RAD17: variants seen among roughly 807,000 people sequenced by gnomAD.
The protein encoded by RAD17 is RAD17 checkpoint clamp loader component.
Under a neutral mutation model 81.5 loss-of-function variants are expected in RAD17, and 31 were observed. The ratio of observed to expected loss-of-function variants is 0.38; its 90% CI spans 0.29 to 0.51. The LOEUF (loss-of-function observed/expected upper bound fraction) is 0.51, where lower values mean the gene tolerates loss of function less well. Ranked by LOEUF, RAD17 falls within the 20% of genes least tolerant of loss-of-function variation. The pLI is 0.88. For missense variants in RAD17, 681 were observed against 781.2 expected (o/e 0.87, Z 1.53); for synonymous variants, 261 against 266.2 (o/e 0.98, Z 0.19).
rs1187831681 is a variant in RAD17, at chr5:69,414,122, G to A, written c.1843G>A (p.Glu615Lys). ...CCAGCTTAATGGAGGACATTCTGCA[G>A]AGGAATCTCTGGGTGAACCCACTCA... The part of the protein sequence containing the change: ...EAQLNGGHSA[E>K]ESLGEPTQAT... The change falls in exon 19 of 19, where the codon GAG becomes AAG. Residue 615 changes from glutamate (E) to lysine (K), a missense_variant. By Grantham distance (56) the Glu-to-Lys change is moderately conservative. Coordinates refer to ENST00000354868, the MANE Select transcript of RAD17 (RefSeq NM_133338.3). 1 of 1,614,120 alleles carries A rather than the reference G, an allele frequency of 6.2e-7. No individual in the cohort carries two copies. Among genetic ancestry groups the A allele is most frequent in the African/African-American group, 1.3e-5 (1 of 74,942 alleles).
At chr5:69,377,443 A>ATATATATATATATATATATG (rs1763421157) in intron 6 of RAD17, among the ~76,000 whole-genome samples, 1 of 7,256 alleles carries the variant, frequency 1.4e-4, no homozygotes, top group South Asian at 4.8e-3. Context: ...GTGTGTGTAT[A>ATATATATATATATATATATG]TATATATATA....
intron 6 of RAD17, among the ~76,000 whole-genome samples, chr5:69,376,848 G>A (rs1763364683): frequency 6.6e-6 from 1 of 152,110 alleles, no homozygotes; most frequent in Admixed American, 6.6e-5. Context: ...CTGCCTCCTG[G>A]GTTCAAGCGA....
chr5:69,401,130 C>T (rs1212589390), intron 17 of RAD17, among the ~76,000 whole-genome samples: 1 of 152,222 alleles, frequency 6.6e-6, no homozygotes, highest in Non-Finnish European at 1.5e-5. Flanking sequence ...GAACCTTCAA[C>T]CCCGGAGGCG....
intron 6 of RAD17, 105 bp downstream of exon 6, chr5:69,374,816 C>G (rs1763238249): frequency 2.1e-6 from 2 of 973,538 alleles, no homozygotes; most frequent in African/African-American, 1.7e-5. Flanking sequence ...CAAAATAAGT[C>G]TAGATCTCCT....
intron 6 of RAD17, among the ~76,000 whole-genome samples, chr5:69,378,499 T>C: frequency 6.6e-6 from 1 of 152,232 alleles, no homozygotes; most frequent in East Asian, 1.9e-4. Context: ...TCTTTTTCTT[T>C]GTAAAGAAGT....
chr5:69,395,467 G>A (rs867215286), intron 15 of RAD17, among the ~76,000 whole-genome samples: 2 of 152,156 alleles, frequency 1.3e-5, no homozygotes, highest in Non-Finnish European at 2.9e-5. Context: ...AGCTGTGATC[G>A]TGCCACCACA....
upstream of RAD17, chr5:69,369,698 G>T: frequency 6.4e-7 from 1 of 1,552,848 alleles, no homozygotes. Context: ...GTTGGAGGGT[G>T]GGCATAACTC....
At chr5:69,377,460 T>TACACACACAC (rs1763438358) in intron 6 of RAD17, among the ~76,000 whole-genome samples, 1 of 5,098 alleles carries the variant, frequency 2.0e-4, no homozygotes, top group East Asian at 0.018. Flanking sequence ...TATATATATA[T>TACACACACAC]ATATATATAT....
rs1479415204 is a variant in RAD17, at chr5:69,374,000, C to A, written c.180C>A (p.Ser60=). 1 of 1,612,290 alleles carries A rather than the reference C, an allele frequency of 6.2e-7. No homozygotes were observed. The highest frequency in any genetic ancestry group is 1.1e-5 in the South Asian group (1 of 91,018). ...CGAGAAAAAGAGGAAATCTATCTTC[C>A]TTAGAACAGATTTATGGTTTAGAAA... ...FPARKRGNLS[S]LEQIYGLENS... is the part of the protein sequence containing the mutation. Residue 60 remains serine (S), a synonymous_variant, in exon 5 of 19, where the codon TCC becomes TCA. Coordinates refer to ENST00000354868, the MANE Select transcript of RAD17 (RefSeq NM_133338.3).
Position 69,384,762 on chromosome 5 carries a change from G to T in RAD17, c.509-35G>T, listed in dbSNP as rs1055623028. 6 of 1,564,344 alleles carry T rather than the reference G, an allele frequency of 3.8e-6. No homozygotes were observed. In the African/African-American group the frequency reaches 4.1e-5, roughly 11 times the overall value. ...TGTATAATATTAATGTATATCATTT[G>T]TTGAAAATAAAAGTGGTTATGTGTT... is the stretch of plus-strand genomic sequence containing the variant. On this transcript the variant is annotated intron_variant, in intron 7 of 18. Coordinates refer to ENST00000354868, the MANE Select transcript of RAD17 (RefSeq NM_133338.3).
intron 18 of RAD17, among the ~76,000 whole-genome samples, chr5:69,411,398 C>T (rs1372068837): frequency 6.6e-6 from 1 of 151,884 alleles, no homozygotes; most frequent in Non-Finnish European, 1.5e-5. Context: ...GCAACAAAAG[C>T]AAAACTCCAT....
At chr5:69,382,602 G>A (rs1031953416) in intron 7 of RAD17, among the ~76,000 whole-genome samples, 9 of 152,094 alleles carry the variant, frequency 5.9e-5, no homozygotes, top group African/African-American at 2.2e-4. Flanking sequence ...CTGGCTAGGA[G>A]GTTAGACAGT....
intron 8 of RAD17, among the ~76,000 whole-genome samples, chr5:69,385,483 C>A (rs1453109082): frequency 6.6e-6 from 1 of 151,850 alleles, no homozygotes; most frequent in South Asian, 2.1e-4. Context: ...GTTGGCCAGG[C>A]TGGTCTCAAA....
At position 69,372,109 on chromosome 5, in the gene RAD17, G is replaced by A. The variant is rs982314255; in HGVS notation, c.-100G>A. On this transcript the variant is annotated 5_prime_UTR_variant, in exon 4 of 19. Transcript: ENST00000354868. ...TAATTTGCAAATCAGAATTGCTGTC[G>A]AAAGTTTTACTATAATGAAAGATAT... 8.9e-6 allele frequency: 13 copies of A among 1,462,208 alleles called. No individual in the cohort carries two copies. In the South Asian group the frequency reaches 9.7e-5, roughly 11 times the overall value. The allele number at this position is 1,462,208 out of a possible 1,614,324, so 90.6% of individuals were successfully genotyped here. A position where few individuals can be genotyped will look rare whatever the true frequency, so the allele number is the denominator to read the frequency against.
intron 11 of RAD17, among the ~76,000 whole-genome samples, chr5:69,388,037 A>G (rs1310873908): frequency 6.6e-6 from 1 of 152,094 alleles, no homozygotes; most frequent in Admixed American, 6.6e-5. Context: ...AAACATCTAC[A>G]TTCTCTACTA....
rs1424136303 is a variant in RAD17 at position 69,377,437 on chromosome 5, GTGTATATATATATATATA to G, written c.351+2728_351+2745del. On this transcript the variant is annotated intron_variant, in intron 6 of 18. Coordinates refer to ENST00000354868, the MANE Select transcript of RAD17 (RefSeq NM_133338.3). Reference sequence around the variant, plus strand: ...TAGGTATATGTGTGTGTGTGTGTGTGTGTATATATATATATATATATATATATATATATATATACACAC... The same window carrying G: ...TAGGTATATGTGTGTGTGTGTGTGTGTATATATATATATATATATACACAC... Among the ~76,000 whole-genome samples, 65 of 25,730 alleles carry G rather than the reference GTGTATATATATATATATA, an allele frequency of 2.5e-3. 3 individuals carry two copies. The highest frequency in any genetic ancestry group is 0.016 in the South Asian group (7 of 450). The allele number at this position is 25,730 out of a possible 152,430, so 16.9% of individuals were successfully genotyped here.
intron 15 of RAD17, among the ~76,000 whole-genome samples, chr5:69,395,332 G>A (rs1245259200): frequency 4.6e-5 from 7 of 152,112 alleles, no homozygotes; most frequent in Admixed American, 2.0e-4. Flanking sequence ...GAAACACAGC[G>A]AGACCCCATC....
At chr5:69,408,999 G>A (rs1385509987) in intron 17 of RAD17, among the ~76,000 whole-genome samples, 1 of 152,180 alleles carries the variant, frequency 6.6e-6, no homozygotes, top group Non-Finnish European at 1.5e-5. Context: ...GTTGGCTTAT[G>A]TTTAGCTTGT....
intron 16 of RAD17, 39 bp downstream of exon 16, chr5:69,396,585 G>C (rs1490030444): frequency 1.4e-6 from 2 of 1,446,740 alleles, no homozygotes; most frequent in Non-Finnish European, 1.8e-6. Context: ...TTCAATATGT[G>C]AACTTTATGG....
Sources: allele counts gnomAD v4.1 joint callset (sites outside exome capture counted in the v4.1 genomes callset), GRCh38; gene constraint gnomAD v4.1.1; transcripts MANE v1.5; gene names NCBI Gene and HGNC (gene_info 2026-07-23, HGNC 2026-07-21).